Variants in YAF2 observed in about 807,000 individuals in gnomAD.
YAF2 encodes YY1-associated factor 2.
In YAF2, 7 loss-of-function variants were observed where a neutral mutation model predicts 20.1. The observed-to-expected ratio is 0.35, with a 90% CI of 0.20 to 0.65. The LOEUF (loss-of-function observed/expected upper bound fraction) is 0.65, where lower values mean the gene tolerates loss of function less well. YAF2 is among the 30% of genes least tolerant of loss of function. The pLI, the probability that YAF2 is intolerant of heterozygous loss-of-function variation, is 0.69. For missense variants in YAF2, 151 were observed against 219.2 expected (o/e 0.69, Z 1.96); for synonymous variants, 74 against 76.0 (o/e 0.97, Z 0.14).
At chr12:42,163,816 T>G (rs906816371) in intron 2 of YAF2, among the ~76,000 whole-genome samples, 2 of 152,196 alleles carry the variant, frequency 1.3e-5, no homozygotes, top group Non-Finnish European at 2.9e-5. Context: ...CAGTTTATGA[T>G]GATCTTTTTA....
At chr12:42,233,813 A>T in intron 2 of YAF2, 2 of 985,448 alleles carry the variant, frequency 2.0e-6, no homozygotes, top group Non-Finnish European at 2.4e-6. Flanking sequence ...GGGCCAGCCA[A>T]GAATGATCCT....
intron 2 of YAF2, among the ~76,000 whole-genome samples, chr12:42,217,937 A>G (rs1351085893): frequency 6.6e-6 from 1 of 152,158 alleles, no homozygotes; most frequent in African/African-American, 2.4e-5. Context: ...GGCAGAAGAA[A>G]CAGCATAATA....
At chr12:42,218,321 T>C (rs978718172) in intron 2 of YAF2, among the ~76,000 whole-genome samples, 1 of 151,756 alleles carries the variant, frequency 6.6e-6, no homozygotes, top group African/African-American at 2.4e-5. Flanking sequence ...CCAACCACAA[T>C]GATATGCAAG....
intron 2 of YAF2, chr12:42,210,563 A>G (rs1351219356): frequency 3.3e-6 from 5 of 1,535,952 alleles, no homozygotes; most frequent in Non-Finnish European, 4.4e-6. Flanking sequence ...TGAAATTGGA[A>G]ATTTCAACGG....
intron 2 of YAF2, among the ~76,000 whole-genome samples, chr12:42,228,322 C>T (rs1458381535): frequency 1.4e-5 from 1 of 68,992 alleles, no homozygotes; most frequent in Non-Finnish European, 2.6e-5. Flanking sequence ...CCCTGCCCGG[C>T]CAGCCACCCC....
chr12:42,182,188 A>G (rs1194075241), intron 2 of YAF2, among the ~76,000 whole-genome samples: 1 of 152,212 alleles, frequency 6.6e-6, no homozygotes, highest in Non-Finnish European at 1.5e-5. Flanking sequence ...AACATTATAA[A>G]GAAGGTTTTT....
intron 2 of YAF2, among the ~76,000 whole-genome samples, chr12:42,179,542 T>G (rs1273503397): frequency 6.6e-6 from 1 of 152,112 alleles, no homozygotes; most frequent in Non-Finnish European, 1.5e-5. Context: ...CTAAGTTTTC[T>G]AAAAATAGAA....
chr12:42,235,555 GAA>G, intron 2 of YAF2: 1 of 1,374,336 alleles, frequency 7.3e-7, no homozygotes, highest in Non-Finnish European at 9.4e-7. Flanking sequence ...AATCAAAAGA[GAA>G]GAGAATTCAG....
rs1318976503 is a variant in YAF2 at position 42,226,855 on chromosome 12, C to T, written c.152+10744G>A. Among the ~76,000 whole-genome samples the T allele has an allele frequency of 1.1e-4, 17 of 149,738 alleles. No individual in the cohort carries two copies. The East Asian group carries it at 1.6e-3, about 14-fold the overall frequency. On this transcript the variant is annotated intron_variant, in intron 2 of 3. Coordinates refer to ENST00000534854, the MANE Select transcript of YAF2 (RefSeq NM_005748.6). The stretch of plus-strand genomic sequence containing the variant: ...AAATAGACATCTTGAGAGGAGGTCG[C>T]GGCGCCGGAGGCCCCAGAAGGCTCG...
Position 42,237,692 on chromosome 12 carries a change from T to C in YAF2, c.59A>G (p.Glu20Gly). The C allele has an allele frequency of 1.9e-6, 3 of 1,572,898 alleles. No individual in the cohort carries two copies. Among genetic ancestry groups the C allele is most frequent in the Non-Finnish European group, 2.6e-6 (3 of 1,162,204 alleles). ...GCAGACGCTACAGTCCCAGTAACCC[T>C]CATCCGAGGACGGCTTCGGCTGCCG... ...PKRQPKPSSD[E>G]GYWDCSVCTF... The change falls in exon 2 of 4, where the codon GAG (glutamate) becomes GGG (glycine). Residue 20 changes from glutamate to glycine, a missense_variant. This residue lies in a region of YAF2 where 50 missense variants were observed against 58.3 expected (regional missense o/e 0.86). Transcript: ENST00000534854.
At chr12:42,197,460 C>T (rs1055501232) in intron 2 of YAF2, among the ~76,000 whole-genome samples, 1 of 152,238 alleles carries the variant, frequency 6.6e-6, no homozygotes, top group Non-Finnish European at 1.5e-5. Flanking sequence ...ATTCCATATC[C>T]TGCCACTGCT....
At chr12:42,184,377 T>G (rs1279753691) in intron 2 of YAF2, among the ~76,000 whole-genome samples, 1 of 152,172 alleles carries the variant, frequency 6.6e-6, no homozygotes, top group African/African-American at 2.4e-5. Flanking sequence ...TGGTGCCATC[T>G]CGGCTCACTG....
intron 2 of YAF2, chr12:42,210,335 G>C (rs2067170390): frequency 6.8e-7 from 1 of 1,479,528 alleles, no homozygotes; most frequent in Admixed American, 2.1e-5. Flanking sequence ...TCTCAGGTTT[G>C]TGAAAACTAG....
chr12:42,227,702 G>T (rs1382703715), intron 2 of YAF2, among the ~76,000 whole-genome samples: 2 of 151,116 alleles, frequency 1.3e-5, no homozygotes, highest in Non-Finnish European at 3.0e-5. Context: ...CATCTGGGAA[G>T]TGAGGAGCGT....
At chr12:42,166,551 G>T (rs575591529) in intron 2 of YAF2, among the ~76,000 whole-genome samples, 63 of 152,212 alleles carry the variant, frequency 4.1e-4, no homozygotes, top group African/African-American at 1.4e-3. Context: ...CTACTTATAT[G>T]AGAAATCATA....
At chr12:42,174,190 T>A (rs1178860746) in intron 2 of YAF2, among the ~76,000 whole-genome samples, 1 of 151,978 alleles carries the variant, frequency 6.6e-6, no homozygotes, top group East Asian at 1.9e-4. Context: ...TCAAAAAAAT[T>A]TTCTATACTC....
intron 2 of YAF2, among the ~76,000 whole-genome samples, chr12:42,163,795 T>C (rs1012274648): frequency 6.6e-6 from 1 of 152,150 alleles, no homozygotes; most frequent in African/African-American, 2.4e-5. Flanking sequence ...TCACTGAAGG[T>C]AGGAGGAACA....
At chr12:42,182,154 T>C (rs1266958609) in intron 2 of YAF2, among the ~76,000 whole-genome samples, 3 of 152,218 alleles carry the variant, frequency 2.0e-5, no homozygotes, top group African/African-American at 7.2e-5. Flanking sequence ...AAAGCATCAT[T>C]TATAGTTGTA....
At chr12:42,174,847 CTT>C (rs1275911013) in intron 2 of YAF2, among the ~76,000 whole-genome samples, 2 of 152,108 alleles carry the variant, frequency 1.3e-5, no homozygotes, top group Non-Finnish European at 2.9e-5. Flanking sequence ...AAAAATAACA[CTT>C]AAGGAAAAAC....
Sources: gnomAD v4.1 joint callset for allele counts (sites outside exome capture counted in the v4.1 genomes callset) on GRCh38, gnomAD v4.1.1 for gene constraint, gnomAD v4.1.1 regional missense constraint, MANE v1.5 for transcripts, NCBI Gene and HGNC (gene_info 2026-07-23, HGNC 2026-07-21) for gene names.